PRDM11: variants seen among roughly 807,000 people sequenced by gnomAD.
The protein encoded by PRDM11 is PR domain-containing protein 11.
A neutral mutation model predicts 97.8 loss-of-function variants in PRDM11; 20 were observed. The ratio of observed to expected loss-of-function variants is 0.20; its 90% CI spans 0.14 to 0.30. The LOEUF (loss-of-function observed/expected upper bound fraction) is 0.30. Ranked by LOEUF, PRDM11 falls within the 10% of genes least tolerant of loss-of-function variation. PRDM11 has a pLI of 1.00. For synonymous variants in PRDM11, 599 were observed against 637.7 expected, an observed-to-expected ratio of 0.94 and a Z score of 0.91; for missense variants, 1,139 against 1,555.2, an observed-to-expected ratio of 0.73 and a Z score of 4.50.
At chr11:45,169,065 C>T (rs951238570) in intron 1 of PRDM11, among the ~76,000 whole-genome samples, 4 of 152,228 alleles carry the variant, frequency 2.6e-5, no homozygotes, top group African/African-American at 9.6e-5. Flanking sequence ...CTGCCTGCCT[C>T]ACCCCGAATC....
rs1207099853 is a variant in PRDM11, at chr11:45,226,139, G to A, written c.1514G>A (p.Arg505Gln). Residue 505 changes from arginine to glutamine, a missense_variant, in exon 8 of 8, where the codon CGG becomes CAG. Coordinates refer to ENST00000683152, the MANE Select transcript of PRDM11 (RefSeq NM_001384648.1). ...TCATCGGCCACCGGGCGCCGAATCC[G>A]GCGCTTTAAGCAGGAATGGCTGAAG... is the stretch of plus-strand genomic sequence containing the variant. The part of the protein sequence containing the change: ...KMSSATGRRI[R>Q]RFKQEWLKKF... 1.3e-6 allele frequency: 2 copies of A among 1,533,114 alleles called. No individual in the cohort carries two copies. The highest frequency in any genetic ancestry group is 1.4e-5 in the African/African-American group (1 of 72,960). 95.0% of individuals were successfully genotyped at this position (1,533,114 alleles called of 1,614,324 possible).
intron 1 of PRDM11, among the ~76,000 whole-genome samples, chr11:45,101,050 G>T (rs942432166): frequency 6.6e-6 from 1 of 152,096 alleles, no homozygotes; most frequent in Non-Finnish European, 1.5e-5. Context: ...GTTGGAAGTG[G>T]GGGGGTGGGG....
chr11:45,170,312 C>T (rs545438772), intron 1 of PRDM11, among the ~76,000 whole-genome samples: 1 of 151,758 alleles, frequency 6.6e-6, no homozygotes, highest in South Asian at 2.1e-4. Flanking sequence ...CACTGCACTC[C>T]AGCCTGGGTG....
chr11:45,107,829 G>A (rs1038186631), intron 1 of PRDM11, among the ~76,000 whole-genome samples: 4 of 143,566 alleles, frequency 2.8e-5, no homozygotes, highest in Non-Finnish European at 4.5e-5. Flanking sequence ...ATGTGGGTTG[G>A]ATTTTTTTTT....
upstream of PRDM11, among the ~76,000 whole-genome samples, chr11:45,145,576 A>G (rs2135672639): frequency 6.6e-6 from 1 of 152,314 alleles, no homozygotes; most frequent in East Asian, 1.9e-4. Context: ...AGCACTGGAC[A>G]GCGCCTCGCC....
At position 45,227,334 on chromosome 11, in the gene PRDM11, G is replaced by T. The variant is rs1262835891; in HGVS notation, c.2709G>T (p.Leu903=). 6.5e-7 allele frequency: 1 copy of T among 1,533,864 alleles called. No individual in the cohort carries two copies. The highest frequency in any genetic ancestry group is 1.4e-5 in the African/African-American group (1 of 72,990). Residue 903 remains leucine (L), a synonymous_variant, in exon 8 of 8, where the codon CTG becomes CTT. Transcript: ENST00000683152. This position sits in a 1 kb window ranked among gnomAD's most constrained non-coding sequence, Gnocchi z 8.0. Reference sequence around the variant, plus strand: ...CCTACATCTTCCAGGGCGAGTACCTGCTGGTGTCCCAGGTGGATGACAAGA... The same window carrying T: ...CCTACATCTTCCAGGGCGAGTACCTTCTGGTGTCCCAGGTGGATGACAAGA... The part of the protein sequence containing the change: ...RLAYIFQGEY[L]LVSQVDDKIE...
intron 5 of PRDM11, chr11:45,213,119 GT>G: frequency 2.2e-6 from 1 of 456,510 alleles, no homozygotes; most frequent in Non-Finnish European, 4.4e-6. Flanking sequence ...AGTCTTTCGT[GT>G]CCAGGAACAG....
Position 45,227,082 on chromosome 11 carries a change from G to A in PRDM11, c.2457G>A (p.Leu819=). 1 of 1,533,956 alleles carries A rather than the reference G, an allele frequency of 6.5e-7. No homozygotes were observed. ...CCCTTTGTGAGGAGACAGAGTTCCT[G>A]GGCGATATCCGGGCAGTGCGGTGGA... ...AATLCEETEF[L]GDIRAVRWII... Residue 819 remains leucine, a synonymous_variant, in exon 8 of 8, where the codon CTG becomes CTA. Coordinates refer to ENST00000683152, the MANE Select transcript of PRDM11 (RefSeq NM_001384648.1). This position sits in a 1 kb window ranked among gnomAD's most constrained non-coding sequence, Gnocchi z 8.0.
chr11:45,151,066 TGTG>T (rs144813886), intron 1 of PRDM11, among the ~76,000 whole-genome samples: 1 of 152,338 alleles, frequency 6.6e-6, no homozygotes, highest in African/African-American at 2.4e-5. Flanking sequence ...GGAAGCATCA[TGTG>T]GTGTTATAAA....
At chr11:45,205,724 G>A (rs545468373) in intron 5 of PRDM11, among the ~76,000 whole-genome samples, 1 of 152,198 alleles carries the variant, frequency 6.6e-6, no homozygotes, top group Non-Finnish European at 1.5e-5. Context: ...TAAACTCGGA[G>A]ACTTTCTAAG....
chr11:45,186,371 T>G (rs1039688843), intron 4 of PRDM11, among the ~76,000 whole-genome samples: 21 of 152,160 alleles, frequency 1.4e-4, no homozygotes, highest in Admixed American at 1.2e-3. Context: ...CAGAGCACTC[T>G]GGTGTGTGTG....
At chr11:45,213,074 A>G (rs950211878) in intron 5 of PRDM11, 8 of 451,906 alleles carry the variant, frequency 1.8e-5, no homozygotes, top group Admixed American at 4.7e-5. Flanking sequence ...AGGAAGAGTC[A>G]TGGAGGAGGG....
At chr11:45,101,133 G>A (rs1034149110) in intron 1 of PRDM11, among the ~76,000 whole-genome samples, 2 of 152,174 alleles carry the variant, frequency 1.3e-5, no homozygotes, top group African/African-American at 4.8e-5. Context: ...TCACCTTACT[G>A]GGCTGAGAGG....
chr11:45,177,312 A>G (rs761396098), intron 1 of PRDM11, among the ~76,000 whole-genome samples: 8 of 152,240 alleles, frequency 5.3e-5, no homozygotes, highest in African/African-American at 7.2e-5. Flanking sequence ...GCCAGCTGAG[A>G]GGGAGCATTG....
chr11:45,159,044 G>A (rs942213701), intron 1 of PRDM11, among the ~76,000 whole-genome samples: 19 of 152,126 alleles, frequency 1.2e-4, no homozygotes, highest in African/African-American at 3.6e-4. Flanking sequence ...CTACCGGTGA[G>A]GAAAGGACCC....
At chr11:45,199,821 TGCCTGCCCTGCACCCTCTGCCTAG>T (rs139386269) in intron 4 of PRDM11, among the ~76,000 whole-genome samples, 2,096 of 152,316 alleles carry the variant, frequency 0.014, 42 homozygotes, top group African/African-American at 0.048. Flanking sequence ...TGCGAGATCC[TGCCTGCCCTGCACCCTCTGCCTAG>T]GGCACCATCT....
chr11:45,182,392 C>A, intron 3 of PRDM11, 43 bp downstream of exon 3: 1 of 1,535,768 alleles, frequency 6.5e-7, no homozygotes, highest in Non-Finnish European at 9.0e-7. Flanking sequence ...CCCTTCACCC[C>A]CATCGCCCCA....
At chr11:45,211,524 G>A (rs1350840399) in intron 5 of PRDM11, among the ~76,000 whole-genome samples, 2 of 53,536 alleles carry the variant, frequency 3.7e-5, no homozygotes, top group Non-Finnish European at 1.3e-4. Flanking sequence ...CAGTCTGTCC[G>A]ATGGCCCCTG....
chr11:45,146,349 A>C (rs564818529), upstream of PRDM11, among the ~76,000 whole-genome samples: 1 of 152,340 alleles, frequency 6.6e-6, no homozygotes, highest in South Asian at 2.1e-4. Context: ...AAAATTTGAG[A>C]ACTTTTACTT....
Sources: allele counts gnomAD v4.1 joint callset (sites outside exome capture counted in the v4.1 genomes callset), GRCh38; gene constraint gnomAD v4.1.1; non-coding constraint Gnocchi (gnomAD v3.1); transcripts MANE v1.5; gene names NCBI Gene and HGNC (gene_info 2026-07-23, HGNC 2026-07-21).